Variants in UBXN6 observed in about 807,000 individuals in gnomAD.
UBXN6 encodes the protein UBX domain protein 6.
UBXN6 carries 44 observed loss-of-function variants against 51.4 expected under a neutral mutation model. That is an observed-to-expected ratio of 0.86 (90% confidence interval 0.67 to 1.10). The LOEUF (loss-of-function observed/expected upper bound fraction) is 1.10. UBXN6 is among the 50% of genes least tolerant of loss of function. The pLI, the probability that UBXN6 is intolerant of heterozygous loss-of-function variation, is 0.00. For missense variants in UBXN6, 672 were observed against 596.1 expected, an observed-to-expected ratio of 1.13 and a Z score of -1.32; for synonymous variants, 316 against 263.2, an observed-to-expected ratio of 1.20 and a Z score of -1.94.
rs1974670419 is a variant in UBXN6, at chr19:4,452,484, C to T, written c.321G>A (p.Glu107=). 1.2e-5 allele frequency: 20 copies of T among 1,610,652 alleles called. No homozygotes were observed. The highest frequency in any genetic ancestry group is 1.5e-5 in the Non-Finnish European group (18 of 1,179,586). ...PEAPGTNVVS[E]PREEGSAHLA... The stretch of plus-strand genomic sequence containing the variant: ...GGTGGGCAGAGCCTTCCTCTCTGGG[C>T]TCAGATACCTGGGGCGGTGAAAGCG... Residue 107 remains glutamate (E), a synonymous_variant, in exon 4 of 11, where the codon GAG becomes GAA. Coordinates refer to ENST00000301281, the MANE Select transcript of UBXN6 (RefSeq NM_025241.3).
rs575609882 is a variant in UBXN6, at chr19:4,447,148, G to A, written c.616-228C>T. ...AGAGGAAAGAGTCACAACCAGGCACGAAGAGTGAGGCTGAGGAGCCAGACA... is the reference window on the plus strand; with the variant it reads ...AGAGGAAAGAGTCACAACCAGGCACAAAGAGTGAGGCTGAGGAGCCAGACA... On this transcript the variant is annotated intron_variant, in intron 6 of 10. Coordinates refer to ENST00000301281, the MANE Select transcript of UBXN6 (RefSeq NM_025241.3). The A allele has an allele frequency of 1.1e-3, 658 of 598,498 alleles. 10 individuals are homozygous for A. The South Asian group carries it at 0.012, about 11-fold the overall frequency. 37.1% of individuals were successfully genotyped at this position (598,498 alleles called of 1,614,324 possible). A position where few individuals can be genotyped will look rare whatever the true frequency, so the allele number is the denominator to read the frequency against.
intron 5 of UBXN6, chr19:4,447,989 G>A: frequency 2.0e-6 from 1 of 509,732 alleles, no homozygotes; most frequent in South Asian, 2.2e-5. Context: ...GGCGTTGGCG[G>A]GCAGCGTGGA....
Position 4,453,959 on chromosome 19 carries a change from G to A in UBXN6, c.218C>T (p.Pro73Leu). 1 of 1,611,056 alleles carries A rather than the reference G, an allele frequency of 6.2e-7. No homozygotes were observed. The change falls in exon 2 of 11, where the codon CCC becomes CTC. Residue 73 changes from proline to leucine, a missense_variant. Transcript: ENST00000301281. ...LEQKQSRAWGPTSQDTIRNQV... is the reference protein window; with the variant it reads ...LEQKQSRAWGLTSQDTIRNQV... ...GTTTCGGATGGTGTCCTGCGATGTGGGGCCCCAGGCCCGGGACTGCTTCTG... is the reference window on the plus strand; with the variant it reads ...GTTTCGGATGGTGTCCTGCGATGTGAGGCCCCAGGCCCGGGACTGCTTCTG...
chr19:4,455,389 G>A, intron 1 of UBXN6: 1 of 772,394 alleles, frequency 1.3e-6, no homozygotes, highest in Admixed American at 6.3e-5. Context: ...TTGGGTGGAA[G>A]AGGAGATGAC....
chr19:4,451,368 T>A (rs1041618022), intron 4 of UBXN6, among the ~76,000 whole-genome samples: 1 of 152,082 alleles, frequency 6.6e-6, no homozygotes, highest in Non-Finnish European at 1.5e-5. Context: ...ACTTACTATT[T>A]TCTGAGAAAG....
At chr19:4,453,283 G>A (rs1974685034) in intron 3 of UBXN6, among the ~76,000 whole-genome samples, 175 bp downstream of exon 3, 1 of 152,162 alleles carries the variant, frequency 6.6e-6, no homozygotes, top group Admixed American at 6.5e-5. Flanking sequence ...CTCAGCTGCC[G>A]AGCCCCGAAG....
intron 5 of UBXN6, 108 bp downstream of exon 5, chr19:4,448,210 A>T (rs1240291036): frequency 3.8e-6 from 4 of 1,041,070 alleles, no homozygotes; most frequent in African/African-American, 3.1e-5. Context: ...CTCCTTCCCA[A>T]CCCACCTCAG....
chr19:4,452,636 C>T, intron 3 of UBXN6, 144 bp from the exon 4 acceptor site: 2 of 1,185,256 alleles, frequency 1.7e-6, no homozygotes, highest in Non-Finnish European at 2.3e-6. Flanking sequence ...CCGTGGGAGA[C>T]ACCCTGGCCA....
rs765248393 is a variant in UBXN6 at position 4,446,541 on chromosome 19, G to C, written c.879C>G (p.Phe293Leu). 1 of 1,612,156 alleles carries C rather than the reference G, an allele frequency of 6.2e-7. No individual in the cohort carries two copies. Among genetic ancestry groups the C allele is most frequent in the East Asian group, 2.2e-5 (1 of 44,874 alleles). Residue 293 changes from phenylalanine to leucine, a missense_variant, in exon 8 of 11, where the codon TTC (phenylalanine) becomes TTG (leucine). Transcript: ENST00000301281. ...ASQFELPGDF[F>L]NLTAEEIKRE... is the part of the protein sequence containing the mutation. ...GCTTGATCTCCTCTGCTGTGAGGTT[G>C]AAGAAGTCCCCAGGCAGTTCGAACT...
chr19:4,453,553 G>A (rs1407153851), intron 2 of UBXN6, 31 bp from the exon 3 acceptor site: 1 of 1,610,362 alleles, frequency 6.2e-7, no homozygotes, highest in Non-Finnish European at 8.5e-7. Context: ...GAGAGGCAGA[G>A]ACGGGATAGT....
In UBXN6 at chr19:4,448,220, G is replaced by A. The variant is rs974019954; in HGVS notation, c.539+98C>T. 42 of 1,103,822 alleles carry A rather than the reference G, an allele frequency of 3.8e-5. No homozygotes were observed. In the Admixed American group the frequency reaches 5.7e-4, roughly 15 times the overall value. 68.4% of individuals were successfully genotyped at this position (1,103,822 alleles called of 1,614,324 possible). ...CTATGCTCCTTCCCAACCCACCTCA[G>A]CAGGTAATGAGGGGGCCAGAGGGGG... On this transcript the variant is annotated intron_variant, in intron 5 of 10. Transcript: ENST00000301281.
chr19:4,447,238 G>A, intron 6 of UBXN6: 1 of 571,992 alleles, frequency 1.7e-6, no homozygotes, highest in South Asian at 2.1e-5. Context: ...TCCCCCAGAA[G>A]AACCAGACAT....
chr19:4,455,833 G>C (rs1974732521), intron 1 of UBXN6, among the ~76,000 whole-genome samples: 1 of 152,140 alleles, frequency 6.6e-6, no homozygotes, highest in Admixed American at 6.5e-5. Context: ...GAGTCTCACT[G>C]TGTCCTGGGA....
chr19:4,455,389 G>C, intron 1 of UBXN6: 1 of 772,394 alleles, frequency 1.3e-6, no homozygotes, highest in Non-Finnish European at 1.6e-6. Flanking sequence ...TTGGGTGGAA[G>C]AGGAGATGAC....
intron 4 of UBXN6, among the ~76,000 whole-genome samples, chr19:4,451,035 G>A (rs186009738): frequency 1.3e-5 from 2 of 152,150 alleles, no homozygotes; most frequent in Admixed American, 1.3e-4. Flanking sequence ...AGAGTCTATG[G>A]AACTATTACT....
In UBXN6 at chr19:4,451,083, C is replaced by A. The variant is rs144624172; in HGVS notation, c.441+1281G>T. On this transcript the variant is annotated intron_variant, in intron 4 of 10. Transcript: ENST00000301281. ...TTTGTTTTTAAGATGAAGTTTCGCT[C>A]TTGTCACCCAGTGTCCACGCTGGAG... Among the ~76,000 whole-genome samples, 3 of 152,270 alleles carry A rather than the reference C, an allele frequency of 2.0e-5. No homozygotes were observed. The East Asian group carries it at 5.8e-4, about 29-fold the overall frequency.
intron 4 of UBXN6, 128 bp from the exon 5 acceptor site, chr19:4,448,543 C>A: frequency 1.3e-6 from 1 of 753,368 alleles, no homozygotes; most frequent in Non-Finnish European, 2.2e-6. Flanking sequence ...GCTGTGCGCT[C>A]ATCACAGAAA....
chr19:4,448,719 C>G (rs1035047980), intron 4 of UBXN6: 3 of 403,856 alleles, frequency 7.4e-6, no homozygotes, highest in African/African-American at 6.1e-5. Context: ...CACACTCTGG[C>G]TTTAGAACTC....
Position 4,447,584 on chromosome 19 carries a change from T to C in UBXN6, c.581A>G (p.Tyr194Cys). 6.2e-7 allele frequency: 1 copy of C among 1,613,810 alleles called. No homozygotes were observed. The highest frequency in any genetic ancestry group is 8.5e-7 in the Non-Finnish European group (1 of 1,179,832). ...NIHLHPEEEK[Y>C]RKIKLQNKVF... The stretch of plus-strand genomic sequence containing the variant: ...CTTGTTCTGCAGCTTGATCTTCCGG[T>C]ACTTCTCCTCCTCGGGGTGCAGGTG... Residue 194 changes from tyrosine (Y) to cysteine (C), a missense_variant, in exon 6 of 11, where the codon TAC (tyrosine) becomes TGC (cysteine). Tyr to Cys is a radical substitution (Grantham distance 194). Transcript: ENST00000301281.
Sources: allele counts gnomAD v4.1 joint callset (sites outside exome capture counted in the v4.1 genomes callset), GRCh38; gene constraint gnomAD v4.1.1; transcripts MANE v1.5; gene names NCBI Gene and HGNC (gene_info 2026-07-23, HGNC 2026-07-21).